The following NPHP4 variants were observed in gnomAD, a reference collection of about 807,000 sequenced individuals.
The protein encoded by NPHP4 is nephrocystin-4.
Under a neutral mutation model 155.8 loss-of-function variants are expected in NPHP4, and 151 were observed. The ratio of observed to expected loss-of-function variants is 0.97; its 90% CI spans 0.85 to 1.11. NPHP4 has a LOEUF of 1.11. Ranked by LOEUF, NPHP4 falls within the 50% of genes least tolerant of loss-of-function variation. NPHP4 has a pLI of 0.00. For synonymous variants in NPHP4, 845 were observed against 816.8 expected, an observed-to-expected ratio of 1.03 and a Z score of -0.59; for missense variants, 1,956 against 1,925.7, an observed-to-expected ratio of 1.02 and a Z score of -0.29.
At chr1:5,908,088 T>A (rs370961406) in intron 12 of NPHP4, among the ~76,000 whole-genome samples, 2 of 152,112 alleles carry the variant, frequency 1.3e-5, no homozygotes, top group Non-Finnish European at 2.9e-5. Flanking sequence ...CCCCAATGTA[T>A]GAAGAGGCAC....
chr1:5,975,969 T>A (rs1653490078), intron 3 of NPHP4, among the ~76,000 whole-genome samples: 1 of 152,088 alleles, frequency 6.6e-6, no homozygotes, highest in Non-Finnish European at 1.5e-5. Flanking sequence ...GTCCGAAGCC[T>A]CTCTAAAGGG....
At chr1:5,915,055 G>A (rs1474803365) in intron 11 of NPHP4, among the ~76,000 whole-genome samples, 1 of 152,238 alleles carries the variant, frequency 6.6e-6, no homozygotes, top group Non-Finnish European at 1.5e-5. Flanking sequence ...CTGAGCAACT[G>A]CCCAGCTGAG....
At position 5,948,259 on chromosome 1, in the gene NPHP4, A is replaced by G; in HGVS notation, c.811-8T>C. The stretch of plus-strand genomic sequence containing the variant: ...GTCCAGTGGGCCACATCCCTGGAAG[A>G]GGCACAGAAGGAATGAGCCCCGGCA... On this transcript the variant is annotated splice_region_variant and splice_polypyrimidine_tract_variant and intron_variant, in intron 7 of 29. Coordinates refer to ENST00000378156, the MANE Select transcript of NPHP4 (RefSeq NM_015102.5). 1 of 1,545,986 alleles carries G rather than the reference A, an allele frequency of 6.5e-7. No individual in the cohort carries two copies. Among genetic ancestry groups the G allele is most frequent in the Non-Finnish European group, 8.7e-7 (1 of 1,148,192 alleles).
At chr1:5,962,293 C>T (rs550841638) in intron 5 of NPHP4, among the ~76,000 whole-genome samples, 15 of 152,298 alleles carry the variant, frequency 9.8e-5, no homozygotes, top group African/African-American at 3.4e-4. Context: ...GATCCTCCCA[C>T]CTTGGCCTCC....
At chr1:5,868,233 A>C in intron 23 of NPHP4, 2 of 391,462 alleles carry the variant, frequency 5.1e-6, no homozygotes, top group Non-Finnish European at 5.0e-6. Flanking sequence ...CCATGATCCC[A>C]CCTCCCGACA....
At chr1:5,897,070 T>C (rs555164317) in intron 16 of NPHP4, among the ~76,000 whole-genome samples, 4 of 152,320 alleles carry the variant, frequency 2.6e-5, no homozygotes, top group East Asian at 3.9e-4. Context: ...AATTAAACCT[T>C]TGTCCTGTCT....
intron 5 of NPHP4, among the ~76,000 whole-genome samples, chr1:5,964,941 A>ATATATATATATATATATTTTTT: frequency 1.7e-5 from 1 of 59,418 alleles, no homozygotes; most frequent in Non-Finnish European, 2.9e-5. Context: ...ATATATATAT[A>ATATATATATATATATATTTTTT]TTTTTTTTTT....
At chr1:5,904,860 G>T in intron 15 of NPHP4, 56 bp from the exon 16 acceptor site, 1 of 1,541,728 alleles carries the variant, frequency 6.5e-7, no homozygotes, top group Non-Finnish European at 9.0e-7. Context: ...GAACCTGAGG[G>T]GTCTAATGTG....
At chr1:5,869,051 A>C (rs1292423681) in intron 23 of NPHP4, among the ~76,000 whole-genome samples, 5 of 132,576 alleles carry the variant, frequency 3.8e-5, no homozygotes, top group Non-Finnish European at 6.4e-5. Context: ...ACATGCCCCC[A>C]CACGCACACA....
At chr1:5,992,002 A>C (rs2102506730) in intron 1 of NPHP4, among the ~76,000 whole-genome samples, 1 of 125,588 alleles carries the variant, frequency 8.0e-6, no homozygotes, top group East Asian at 2.1e-4. Flanking sequence ...AACGGCACCC[A>C]GCGGCCCCGA....
At chr1:5,869,821 T>G (rs911330189) in intron 23 of NPHP4, among the ~76,000 whole-genome samples, 8 of 152,178 alleles carry the variant, frequency 5.3e-5, no homozygotes, top group Non-Finnish European at 1.2e-4. Flanking sequence ...AAATGCGAGC[T>G]AGGTTTCTCA....
chr1:5,865,227 G>A lies in NPHP4; in HGVS notation c.3691C>T (p.His1231Tyr). Residue 1231 changes from histidine to tyrosine, a missense_variant, in exon 27 of 30, where the codon CAC becomes TAC. Transcript: ENST00000378156. ...TPTQTWQVYLHSLQRVDVSCV... is the reference protein window; with the variant it reads ...TPTQTWQVYLYSLQRVDVSCV... ...GAGACATCCACGCGCTGCAGGGAGT[G>A]GAGGTAGACCTGCCACGTCTGTGTG... 6.3e-7 allele frequency: 1 copy of A among 1,598,620 alleles called. No homozygotes were observed. Among genetic ancestry groups the A allele is most frequent in the Non-Finnish European group, 8.5e-7 (1 of 1,170,012 alleles).
At chr1:5,927,586 C>G in intron 11 of NPHP4, 63 bp downstream of exon 11, 1 of 1,525,824 alleles carries the variant, frequency 6.6e-7, no homozygotes, top group Non-Finnish European at 8.9e-7. Flanking sequence ...TACCTTTCCC[C>G]GGGAAGAGAT....
At chr1:5,988,954 A>G (rs537497395) in intron 1 of NPHP4, among the ~76,000 whole-genome samples, 1 of 152,240 alleles carries the variant, frequency 6.6e-6, no homozygotes, top group Admixed American at 6.5e-5. Flanking sequence ...GCAGGCACAC[A>G]TGCTGGTTTG....
chr1:5,911,808 C>T (rs150156432), intron 11 of NPHP4, among the ~76,000 whole-genome samples: 17 of 152,272 alleles, frequency 1.1e-4, no homozygotes, highest in Non-Finnish European at 2.2e-4. Flanking sequence ...TTTTAATGTT[C>T]GATGTGGTTA....
At chr1:5,888,559 G>A (rs375464144) in intron 17 of NPHP4, 44 of 1,350,698 alleles carry the variant, frequency 3.3e-5, no homozygotes, top group South Asian at 9.1e-5. Flanking sequence ...CATAGACATC[G>A]ATGATTCCGG....
intron 16 of NPHP4, among the ~76,000 whole-genome samples, chr1:5,899,457 T>C (rs563560524): frequency 1.3e-5 from 2 of 152,190 alleles, no homozygotes; most frequent in Admixed American, 1.3e-4. Context: ...AAAACTGATG[T>C]ACAGTGGCAG....
At chr1:5,989,925 C>T (rs530912311) in intron 1 of NPHP4, among the ~76,000 whole-genome samples, 1 of 152,352 alleles carries the variant, frequency 6.6e-6, no homozygotes, top group Admixed American at 6.5e-5. Context: ...GGCATCCATT[C>T]CGAAAGCACC....
intron 7 of NPHP4, among the ~76,000 whole-genome samples, chr1:5,951,028 C>T (rs919481562): frequency 1.3e-5 from 2 of 152,160 alleles, no homozygotes; most frequent in African/African-American, 2.4e-5. Context: ...GAAAAAAGTA[C>T]GACTTCATTT....
Sources: gnomAD v4.1 joint callset for allele counts (sites outside exome capture counted in the v4.1 genomes callset) on GRCh38, gnomAD v4.1.1 for gene constraint, MANE v1.5 for transcripts, NCBI Gene and HGNC (gene_info 2026-07-23, HGNC 2026-07-21) for gene names.